The following KXD1 variants were observed in gnomAD, a reference collection of about 807,000 sequenced individuals.
KXD1 encodes KxDL motif containing 1.
Under a neutral mutation model 12.1 loss-of-function variants are expected in KXD1, and 5 were observed. The observed-to-expected ratio is 0.41, with a 90% CI of 0.22 to 0.87. KXD1 has a LOEUF of 0.87. Among genes scored for constraint, KXD1 ranks in the 40% least tolerant of loss-of-function variants. The probability of loss-of-function intolerance (pLI) is 0.31; values close to 1 mark genes in which losing one functional copy is unlikely to be tolerated. For synonymous variants in KXD1, 98 were observed against 100.5 expected (o/e 0.98, Z 0.15); for missense variants, 193 against 244.9 (o/e 0.79, Z 1.41).
At chr19:18,565,144 G>A (rs756312095) in intron 3 of KXD1, 123 bp downstream of exon 3, 189 of 1,486,936 alleles carry the variant, frequency 1.3e-4, no homozygotes, top group Middle Eastern at 2.1e-4. Flanking sequence ...GCTTCACTGC[G>A]CACTTAAGTG....
At chr19:18,563,992 T>G (rs984265409) in intron 2 of KXD1, among the ~76,000 whole-genome samples, 1 of 152,010 alleles carries the variant, frequency 6.6e-6, no homozygotes, top group African/African-American at 2.4e-5. Flanking sequence ...GTTCAAATGA[T>G]TCTCCTGCCT....
At chr19:18,561,115 A>G (rs549890533) in intron 1 of KXD1, among the ~76,000 whole-genome samples, 1 of 152,168 alleles carries the variant, frequency 6.6e-6, no homozygotes, top group Admixed American at 6.6e-5. Flanking sequence ...AATCAAGGTA[A>G]AGGGTGGCTG....
At chr19:18,567,503 C>T (rs1419274730) in intron 4 of KXD1, among the ~76,000 whole-genome samples, 2 of 152,214 alleles carry the variant, frequency 1.3e-5, no homozygotes, top group African/African-American at 4.8e-5. Context: ...GCCCCGACAT[C>T]GTCTCGCCTT....
chr19:18,563,320 A>G (rs911307268), intron 2 of KXD1, among the ~76,000 whole-genome samples: 4 of 149,736 alleles, frequency 2.7e-5, no homozygotes, highest in East Asian at 2.0e-4. Flanking sequence ...CCGAGTCTCA[A>G]TAGTACCTGT....
intron 2 of KXD1, among the ~76,000 whole-genome samples, chr19:18,563,620 C>T (rs1191000992): frequency 6.6e-6 from 1 of 152,038 alleles, no homozygotes; most frequent in Non-Finnish European, 1.5e-5. Flanking sequence ...TCTACTGCCT[C>T]AGCCTTCCAA....
chr19:18,564,962 C>T lies in KXD1; in HGVS notation c.195C>T (p.His65=), dbSNP rs1277700410. ...AGCAGATGAGCGAACGCTTCCTGCA[C>T]CACACGAGGACCCTAGTAGAGATGA... ...RLQQMSERFL[H]HTRTLVEMKR... Residue 65 remains histidine (H), a synonymous_variant, in exon 3 of 5, where the codon CAC becomes CAT. Coordinates refer to ENST00000222307, the MANE Select transcript of KXD1 (RefSeq NM_024069.4). The T allele has an allele frequency of 1.9e-6, 3 of 1,612,500 alleles. No individual in the cohort carries two copies. Among genetic ancestry groups the T allele is most frequent in the East Asian group, 2.2e-5 (1 of 44,882 alleles).
rs146560600 is a variant in KXD1, at chr19:18,568,492, C to T, written c.392C>T (p.Thr131Met). 3.8e-5 allele frequency: 62 copies of T among 1,614,000 alleles called. No homozygotes were observed. The highest frequency in any genetic ancestry group is 4.8e-5 in the Non-Finnish European group (57 of 1,180,014). ...TTTIATSEQS[T>M]GSCDTSPDTV... ...ACCATTGCCACCTCAGAACAGAGCA[C>T]GGGCTCATGTGACACCAGCCCCGAC... Residue 131 changes from threonine to methionine, a missense_variant, in exon 5 of 5, where the codon ACG becomes ATG. Physicochemically the swap from Thr to Met is moderately conservative, Grantham distance 81. Transcript: ENST00000222307.
intron 2 of KXD1, 60 bp from the exon 3 acceptor site, chr19:18,564,809 C>A: frequency 1.3e-6 from 2 of 1,592,830 alleles, no homozygotes; most frequent in South Asian, 1.1e-5. Context: ...GTCTTCTGGG[C>A]CAGGTTGGGC....
intron 2 of KXD1, 48 bp from the exon 3 acceptor site, chr19:18,564,805 TGGGCCAGGTTGGGCAG>T (rs1485770197): frequency 2.5e-6 from 4 of 1,585,174 alleles, no homozygotes; most frequent in Non-Finnish European, 3.4e-6. Context: ...AACAGTCTTC[TGGGCCAGGTTGGGCAG>T]GGCCCTGAAG....
rs1002205600 is a variant in KXD1, at chr19:18,562,228, C to T, written c.101+71C>T. On this transcript the variant is annotated intron_variant, in intron 2 of 4. Coordinates refer to ENST00000222307, the MANE Select transcript of KXD1 (RefSeq NM_024069.4). ...CTGGCCAACATTCTTGTCTTGCCCG[C>T]CCCTACCCGGGGCCCACACTGGTGA... is the stretch of plus-strand genomic sequence containing the variant. 8.4e-6 allele frequency: 10 copies of T among 1,196,454 alleles called. No individual in the cohort carries two copies. The African/African-American group carries it at 1.2e-4, about 15-fold the overall frequency. The allele number at this position is 1,196,454 out of a possible 1,614,324, so 74.1% of individuals were successfully genotyped here. A position where few individuals can be genotyped will look rare whatever the true frequency, so the allele number is the denominator to read the frequency against.
In KXD1 at chr19:18,568,840, T is replaced by G; in HGVS notation, c.*209T>G. 1 of 580,668 alleles carries G rather than the reference T, an allele frequency of 1.7e-6. No individual in the cohort carries two copies. The highest frequency in any genetic ancestry group is 2.1e-5 in the South Asian group (1 of 48,568). The allele number at this position is 580,668 out of a possible 1,614,324, so 36.0% of individuals were successfully genotyped here. On this transcript the variant is annotated 3_prime_UTR_variant, in exon 5 of 5. Transcript: ENST00000222307. Reference sequence around the variant, plus strand: ...TCCTTCCTTCCTCAGAACATCTCTATTCTGCAAGACCCCTCTGCCATGCCA... The same window carrying G: ...TCCTTCCTTCCTCAGAACATCTCTAGTCTGCAAGACCCCTCTGCCATGCCA...
At chr19:18,566,847 C>A (rs1027755865) in intron 3 of KXD1, among the ~76,000 whole-genome samples, 3 of 152,058 alleles carry the variant, frequency 2.0e-5, no homozygotes, top group African/African-American at 4.8e-5. Flanking sequence ...AGCAGCCTCG[C>A]AGGGGGAGCC....
At chr19:18,558,234 G>C (rs1843002631) in intron 1 of KXD1, 1 of 152,294 alleles carries the variant, frequency 6.6e-6, no homozygotes. Context: ...TGTAGGGGAC[G>C]GGGCGTGAGG....
At chr19:18,567,099 G>T (rs762360237) in intron 3 of KXD1, 33 bp from the exon 4 acceptor site, 1 of 1,612,046 alleles carries the variant, frequency 6.2e-7, no homozygotes, top group South Asian at 1.1e-5. Flanking sequence ...CTGCTCAGCA[G>T]GTTAAGCCCT....
rs1262181487 is a variant in KXD1, at chr19:18,560,687, C to CT, written c.-21-1348dup. Reference sequence around the variant, plus strand: ...TATGAGCCAGACTCCGGGTCGGGTTCTGGTGACAGACACACCTCTACTCCT... The same window carrying CT: ...TATGAGCCAGACTCCGGGTCGGGTTCTTGGTGACAGACACACCTCTACTCCT... On this transcript the variant is annotated intron_variant, in intron 1 of 4. Transcript: ENST00000222307. 3 of 151,314 alleles carry CT rather than the reference C, an allele frequency of 2.0e-5. No homozygotes were observed. The East Asian group carries it at 5.9e-4, about 30-fold the overall frequency. The allele number at this position is 151,314 out of a possible 1,614,324, so 9.4% of individuals were successfully genotyped here.
chr19:18,568,224 A>T (rs1975351808), intron 4 of KXD1, among the ~76,000 whole-genome samples, 178 bp from the exon 5 acceptor site: 3 of 149,932 alleles, frequency 2.0e-5, no homozygotes, highest in African/African-American at 7.4e-5. Context: ...CCGAGATTAT[A>T]CCATTGCACT....
Position 18,564,969 on chromosome 19 carries a change from A to T in KXD1, c.202A>T (p.Arg68Trp). The change falls in exon 3 of 5, where the codon AGG (arginine) becomes TGG (tryptophan). Residue 68 changes from arginine (R) to tryptophan (W), a missense_variant. Physicochemically the swap from Arg to Trp is moderately radical, Grantham distance 101 (BLOSUM62 -3). Transcript: ENST00000222307. The stretch of plus-strand genomic sequence containing the variant: ...GAGCGAACGCTTCCTGCACCACACG[A>T]GGACCCTAGTAGAGATGAAACGGGA... The part of the protein sequence containing the change: ...QMSERFLHHT[R>W]TLVEMKRDLD... 1.2e-6 allele frequency: 2 copies of T among 1,612,002 alleles called. No homozygotes were observed. Among genetic ancestry groups the T allele is most frequent in the Non-Finnish European group, 1.7e-6 (2 of 1,179,994 alleles).
chr19:18,560,635 CACA>C (rs1190703950), intron 1 of KXD1: 3 of 152,124 alleles, frequency 2.0e-5, no homozygotes, highest in Non-Finnish European at 2.9e-5. Context: ...TGCCCTTCCC[CACA>C]ACAACATTCT....
intron 3 of KXD1, among the ~76,000 whole-genome samples, chr19:18,565,995 A>AT (rs1277701647): frequency 2.6e-5 from 4 of 151,974 alleles, no homozygotes; most frequent in Non-Finnish European, 5.9e-5. Flanking sequence ...ATTTTGTGTA[A>AT]TTTTTGTATT....
Sources: gnomAD v4.1 joint callset for allele counts (sites outside exome capture counted in the v4.1 genomes callset) on GRCh38, gnomAD v4.1.1 for gene constraint, MANE v1.5 for transcripts, NCBI Gene and HGNC (gene_info 2026-07-23, HGNC 2026-07-21) for gene names.